PITPNM2: variants seen among roughly 807,000 people sequenced by gnomAD.
PITPNM2 encodes the protein membrane-associated phosphatidylinositol transfer protein 2.
PITPNM2 carries 35 observed loss-of-function variants against 132.2 expected under a neutral mutation model. The observed-to-expected ratio is 0.26, with a 90% CI of 0.20 to 0.35. The LOEUF (loss-of-function observed/expected upper bound fraction) is 0.35. PITPNM2 is among the 10% of genes least tolerant of loss of function. The pLI is 1.00. For synonymous variants in PITPNM2, 738 were observed against 799.2 expected (o/e 0.92, Z 1.29); for missense variants, 1,332 against 1,912.0 (o/e 0.70, Z 5.66).
chr12:123,054,919 C>A (rs1038637976), intron 2 of PITPNM2, among the ~76,000 whole-genome samples: 36 of 152,060 alleles, frequency 2.4e-4, no homozygotes, highest in African/African-American at 7.2e-4. Flanking sequence ...CAAAAATTAG[C>A]CCGGCATGGT....
chr12:123,017,908 C>T (rs977035777), intron 3 of PITPNM2, among the ~76,000 whole-genome samples: 2 of 152,078 alleles, frequency 1.3e-5, no homozygotes, highest in Non-Finnish European at 2.9e-5. Context: ...AGGGCCCTCC[C>T]TCCCTCCATC....
In PITPNM2 at chr12:123,000,841, C is replaced by T; in HGVS notation, c.1161G>A (p.Leu387=). The part of the protein sequence containing the change: ...SPEPEDTQDG[L]YRQGAPEFRV... ...TGAACTCAGGGGCACCCTGGCGGTA[C>T]AGACCATCTGCAAAGACACAGAAGC... Residue 387 remains leucine, a synonymous_variant, in exon 10 of 26, where the codon CTG becomes CTA. Transcript: ENST00000320201. The surrounding 1 kb of genome is among the most constrained non-coding windows in gnomAD (Gnocchi z 5.4). 6.2e-7 allele frequency: 1 copy of T among 1,614,080 alleles called. No homozygotes were observed. The highest frequency in any genetic ancestry group is 1.1e-5 in the South Asian group (1 of 91,090).
chr12:123,128,328 G>A (rs1406604175), intron 1 of PITPNM2, among the ~76,000 whole-genome samples: 3 of 135,758 alleles, frequency 2.2e-5, no homozygotes, highest in Non-Finnish European at 4.6e-5. Flanking sequence ...TGTAGTCCCA[G>A]CTACTTAGGA....
chr12:122,997,881 T>A lies in PITPNM2; in HGVS notation c.1225-309A>T, dbSNP rs927790720. 3.3e-5 allele frequency among the ~76,000 whole-genome samples: 5 copies of A among 152,288 alleles called. No homozygotes were observed. The East Asian group carries it at 9.6e-4, about 29-fold the overall frequency. ...AGAGGACATGGAGGGAGGGAGTCCA[T>A]TCCTTTGAGAGCATGAGCTCTGCTT... On this transcript the variant is annotated intron_variant, in intron 10 of 25. Coordinates refer to ENST00000320201, the MANE Select transcript of PITPNM2 (RefSeq NM_020845.3).
At position 122,989,811 on chromosome 12, in the gene PITPNM2, G is replaced by A. The variant is rs1449389165; in HGVS notation, c.2707C>T (p.Leu903Phe). Residue 903 changes from leucine (L) to phenylalanine (F), a missense_variant, in exon 18 of 26, where the codon CTC (leucine) becomes TTC (phenylalanine). By Grantham distance (22) the Leu-to-Phe change is conservative (BLOSUM62 0). Around this residue, in one of 6 missense-constraint regions of PITPNM2, gnomAD observed 710 missense variants for 911.5 expected, o/e 0.78. Transcript: ENST00000320201. ...ASPGLERAPG[L>F]PELDIGEVAA... ...CCTTCTCCAATGTCCAGCTCAGGGA[G>A]GCCAGGGGCCCTCTCCAGGCCAGGG... The A allele has an allele frequency of 7.1e-7, 1 of 1,407,624 alleles. No homozygotes were observed. Among genetic ancestry groups the A allele is most frequent in the Non-Finnish European group, 9.3e-7 (1 of 1,077,626 alleles). 87.2% of individuals were successfully genotyped at this position (1,407,624 alleles called of 1,614,324 possible). A position where few individuals can be genotyped will look rare whatever the true frequency, so the allele number is the denominator to read the frequency against.
chr12:123,112,450 C>T lies in PITPNM2; in HGVS notation c.-199-1962G>A, dbSNP rs945805525. Among the ~76,000 whole-genome samples, 3 of 152,130 alleles carry T rather than the reference C, an allele frequency of 2.0e-5. No homozygotes were observed. The East Asian group carries it at 5.8e-4, about 29-fold the overall frequency. ...ACAGTCCTGGAGGGGAGCAGGGCAT[C>T]CAAGACCAAATAATACATCGTGTTG... is the stretch of plus-strand genomic sequence containing the variant. On this transcript the variant is annotated intron_variant, in intron 1 of 25. Coordinates refer to ENST00000320201, the MANE Select transcript of PITPNM2 (RefSeq NM_020845.3).
chr12:123,124,431 C>CA (rs747431261), intron 1 of PITPNM2, among the ~76,000 whole-genome samples: 89 of 142,194 alleles, frequency 6.3e-4, no homozygotes, highest in Middle Eastern at 3.6e-3. Flanking sequence ...GACTCCATCT[C>CA]AAAAAAAAAA....
intron 1 of PITPNM2, among the ~76,000 whole-genome samples, chr12:123,124,574 T>TTTA (rs1053985634): frequency 2.0e-5 from 3 of 152,076 alleles, no homozygotes; most frequent in Non-Finnish European, 2.9e-5. Context: ...AGAAGTCTTT[T>TTTA]TTATTATTAT....
chr12:123,019,036 G>A (rs980614612), intron 3 of PITPNM2, among the ~76,000 whole-genome samples: 12 of 151,950 alleles, frequency 7.9e-5, no homozygotes, highest in African/African-American at 1.7e-4. Context: ...CACCTGCCTC[G>A]GCCTCCCAAA....
At chr12:123,074,400 C>T (rs970659492) in intron 2 of PITPNM2, among the ~76,000 whole-genome samples, 1 of 152,102 alleles carries the variant, frequency 6.6e-6, no homozygotes, top group South Asian at 2.1e-4. Context: ...TCACTGCACA[C>T]ACTCTCACAT....
In PITPNM2 at chr12:123,031,954, C is replaced by T. The variant is rs2040106757; in HGVS notation, c.78+2559G>A. On this transcript the variant is annotated intron_variant, in intron 3 of 25. Coordinates refer to ENST00000320201, the MANE Select transcript of PITPNM2 (RefSeq NM_020845.3). The surrounding 1 kb of genome is among the most constrained non-coding windows in gnomAD (Gnocchi z 4.5). Reference sequence around the variant, plus strand: ...CTGGGGAGGATGCCCATCTGTCCAACAAGCTCTCACGAAGGGCCCTGAGAG... The same window carrying T: ...CTGGGGAGGATGCCCATCTGTCCAATAAGCTCTCACGAAGGGCCCTGAGAG... Among the ~76,000 whole-genome samples, 1 of 152,226 alleles carries T rather than the reference C, an allele frequency of 6.6e-6. No homozygotes were observed. Among genetic ancestry groups the T allele is most frequent in the Admixed American group, 6.5e-5 (1 of 15,282 alleles).
In PITPNM2 at chr12:123,009,768, G is replaced by T; in HGVS notation, c.643+82C>A. On this transcript the variant is annotated intron_variant, in intron 6 of 25. Transcript: ENST00000320201. This position sits in a 1 kb window ranked among gnomAD's most constrained non-coding sequence, Gnocchi z 4.8. ...GCAGACTCCCAGGCAGACATGCAAAGAGAGGAGGCAGACAGGCAGGTGACA... is the reference window on the plus strand; with the variant it reads ...GCAGACTCCCAGGCAGACATGCAAATAGAGGAGGCAGACAGGCAGGTGACA... The T allele has an allele frequency of 1.5e-6, 2 of 1,307,896 alleles. No homozygotes were observed. Among genetic ancestry groups the T allele is most frequent in the Non-Finnish European group, 2.2e-6 (2 of 910,308 alleles). The allele number at this position is 1,307,896 out of a possible 1,614,324, so 81.0% of individuals were successfully genotyped here.
chr12:123,011,120 C>T (rs1473225466), intron 5 of PITPNM2, among the ~76,000 whole-genome samples: 1 of 152,250 alleles, frequency 6.6e-6, no homozygotes, highest in Non-Finnish European at 1.5e-5. Context: ...GACTGGGGCA[C>T]TCACTGGGTG....
At chr12:123,098,513 G>A (rs1253972388) in intron 2 of PITPNM2, among the ~76,000 whole-genome samples, 2 of 152,076 alleles carry the variant, frequency 1.3e-5, no homozygotes, top group Non-Finnish European at 2.9e-5. Context: ...ACCAGGCTGG[G>A]CAACATAGTA....
chr12:123,125,864 GTT>G (rs373787897), intron 1 of PITPNM2, among the ~76,000 whole-genome samples: 1 of 64,856 alleles, frequency 1.5e-5, no homozygotes, highest in Non-Finnish European at 2.7e-5. Context: ...AAAAATTAGG[GTT>G]TTTTTTTTTT....
At chr12:123,068,294 C>T (rs1008884581) in intron 2 of PITPNM2, among the ~76,000 whole-genome samples, 13 of 152,058 alleles carry the variant, frequency 8.5e-5, no homozygotes, top group East Asian at 1.9e-4. Context: ...GGTGAAACCC[C>T]GTCTCTACTA....
intron 20 of PITPNM2, 63 bp from the exon 21 acceptor site, chr12:122,987,964 G>A: frequency 6.9e-7 from 1 of 1,439,098 alleles, no homozygotes; most frequent in Non-Finnish European, 9.6e-7. Flanking sequence ...CCTGTGTTCT[G>A]CTCAAGCTCT....
chr12:123,125,485 TA>T (rs970543297), intron 1 of PITPNM2, among the ~76,000 whole-genome samples: 1 of 152,204 alleles, frequency 6.6e-6, no homozygotes, highest in African/African-American at 2.4e-5. Flanking sequence ...ATTTCAATTC[TA>T]ATTATTTTAT....
chr12:123,116,053 T>C (rs1200740346), intron 1 of PITPNM2, among the ~76,000 whole-genome samples: 1 of 152,204 alleles, frequency 6.6e-6, no homozygotes, highest in Non-Finnish European at 1.5e-5. Flanking sequence ...ACTGTTACTT[T>C]GGTGGCCTTC....
Sources: allele counts gnomAD v4.1 joint callset (sites outside exome capture counted in the v4.1 genomes callset), GRCh38; gene constraint gnomAD v4.1.1; regional missense constraint gnomAD v4.1.1; non-coding constraint Gnocchi (gnomAD v3.1); transcripts MANE v1.5; gene names NCBI Gene and HGNC (gene_info 2026-07-23, HGNC 2026-07-21).